Variants in GRAMD1B observed in about 807,000 individuals in gnomAD.
GRAMD1B encodes GRAM domain containing 1B.
Under a neutral mutation model 99.7 loss-of-function variants are expected in GRAMD1B, and 37 were observed. The observed-to-expected ratio is 0.37, with a 90% confidence interval of 0.29 to 0.49. The LOEUF (loss-of-function observed/expected upper bound fraction) is 0.49, where lower values mean the gene tolerates loss of function less well. Ranked by LOEUF, GRAMD1B falls within the 20% of genes least tolerant of loss-of-function variation. The pLI, the probability that GRAMD1B is intolerant of heterozygous loss-of-function variation, is 0.98. For missense variants in GRAMD1B, 888 were observed against 1,009.2 expected, an observed-to-expected ratio of 0.88 and a Z score of 1.63; for synonymous variants, 427 against 387.6, an observed-to-expected ratio of 1.10 and a Z score of -1.19.
chr11:123,376,103 G>C (rs533959627), intron 1 of GRAMD1B, among the ~76,000 whole-genome samples: 10 of 151,792 alleles, frequency 6.6e-5, no homozygotes, highest in Non-Finnish European at 1.2e-4. Flanking sequence ...ATGTCAGAAG[G>C]AAAGAGACCA....
At chr11:123,406,995 A>C (rs1947877221) in intron 1 of GRAMD1B, among the ~76,000 whole-genome samples, 1 of 152,260 alleles carries the variant, frequency 6.6e-6, no homozygotes, top group African/African-American at 2.4e-5. Flanking sequence ...TCCCTGTGGC[A>C]GTTTAGGTTT....
intron 2 of GRAMD1B, among the ~76,000 whole-genome samples, chr11:123,511,416 C>G (rs2135300458): frequency 6.6e-6 from 1 of 152,264 alleles, no homozygotes; most frequent in South Asian, 2.1e-4. Flanking sequence ...ACTCTGTGGG[C>G]ACGCTAGAGG....
intron 1 of GRAMD1B, among the ~76,000 whole-genome samples, chr11:123,399,113 A>G (rs1478424949): frequency 1.3e-5 from 2 of 152,186 alleles, no homozygotes; most frequent in Non-Finnish European, 2.9e-5. Context: ...GTCTCTGGCA[A>G]ACAACATTCT....
At position 123,461,987 on chromosome 11, in the gene GRAMD1B, A is replaced by G. The variant is rs1327502455; in HGVS notation, c.375-18829A>G. Among the ~76,000 whole-genome samples, 8 of 138,178 alleles carry G rather than the reference A, an allele frequency of 5.8e-5. No homozygotes were observed. The East Asian group carries it at 1.7e-3, about 29-fold the overall frequency. The allele number at this position is 138,178 out of a possible 152,430, so 90.7% of individuals were successfully genotyped here. Reference sequence around the variant, plus strand: ...TATTTCTTTTTTTTTTTTTTTTTGAAATGGGATCTTGCTCTGTCGCCCAGG... The same window carrying G: ...TATTTCTTTTTTTTTTTTTTTTTGAGATGGGATCTTGCTCTGTCGCCCAGG... On this transcript the variant is annotated intron_variant, in intron 1 of 19. Transcript: ENST00000635736.
At chr11:123,455,131 G>A (rs1336632171) in intron 1 of GRAMD1B, among the ~76,000 whole-genome samples, 1 of 152,132 alleles carries the variant, frequency 6.6e-6, no homozygotes, top group East Asian at 1.9e-4. Context: ...AGGGAAGTAG[G>A]AAATTGAACA....
At chr11:123,417,449 C>A (rs1948269201) in intron 1 of GRAMD1B, among the ~76,000 whole-genome samples, 1 of 152,054 alleles carries the variant, frequency 6.6e-6, no homozygotes, top group South Asian at 2.1e-4. Context: ...TAGGTGCATT[C>A]AGGACTTATC....
At chr11:123,422,003 C>CA (rs1948455122) in intron 1 of GRAMD1B, among the ~76,000 whole-genome samples, 1 of 152,086 alleles carries the variant, frequency 6.6e-6, no homozygotes, top group Admixed American at 6.5e-5. Context: ...TAGACCTTTC[C>CA]AGCTGATAGA....
intron 2 of GRAMD1B, among the ~76,000 whole-genome samples, chr11:123,532,952 C>T (rs1943551971): frequency 6.6e-6 from 1 of 152,154 alleles, no homozygotes; most frequent in South Asian, 2.1e-4. Flanking sequence ...AATAGAGATA[C>T]TTCTCAAGTG....
At chr11:123,560,319 C>G in intron 2 of GRAMD1B, 2 of 1,145,130 alleles carry the variant, frequency 1.7e-6, no homozygotes, top group Non-Finnish European at 2.2e-6. Context: ...GGGAGCCAGG[C>G]AGAGAGAGAG....
intron 2 of GRAMD1B, among the ~76,000 whole-genome samples, chr11:123,499,936 T>TC (rs1394134895): frequency 1.3e-5 from 2 of 152,228 alleles, no homozygotes; most frequent in Non-Finnish European, 2.9e-5. Context: ...TCATCTTTTT[T>TC]CCCTGTAGAA....
At position 123,391,699 on chromosome 11, in the gene GRAMD1B, G is replaced by T. The variant is rs147744334; in HGVS notation, c.-176+32900G>T. 7.9e-5 allele frequency among the ~76,000 whole-genome samples: 12 copies of T among 152,194 alleles called. No individual in the cohort carries two copies. The East Asian group carries it at 2.1e-3, about 27-fold the overall frequency. On this transcript the variant is annotated intron_variant, in intron 1 of 20. Transcript: ENST00000638157. ...TTGAACTCTTGACCTCAATTGATCC[G>T]CCCACCTTGGCCCCCCAAAGTGCTG...
At chr11:123,616,301 GAA>G (rs1199388599) in intron 17 of GRAMD1B, among the ~76,000 whole-genome samples, 1 of 152,228 alleles carries the variant, frequency 6.6e-6, no homozygotes, top group African/African-American at 2.4e-5. Context: ...CAGCCTGGGT[GAA>G]AGAGTGAGAC....
intron 3 of GRAMD1B, among the ~76,000 whole-genome samples, chr11:123,583,878 C>T (rs1223525458): frequency 6.6e-6 from 1 of 152,160 alleles, no homozygotes. Context: ...CCCCTTTCTA[C>T]CTCGAAAGTG....
intron 4 of GRAMD1B, 86 bp downstream of exon 4, chr11:123,584,418 T>TGGGGGAGGGGGAATGGAGGTTGG (rs1565415034): frequency 6.4e-6 from 1 of 156,200 alleles, no homozygotes; most frequent in Non-Finnish European, 1.4e-5. Flanking sequence ...GGGGTGCGGT[T>TGGGGGAGGGGGAATGGAGGTTGG]GGGCTTTCCT....
intron 1 of GRAMD1B, among the ~76,000 whole-genome samples, chr11:123,442,315 A>G (rs1181907936): frequency 6.6e-6 from 1 of 152,156 alleles, no homozygotes; most frequent in Non-Finnish European, 1.5e-5. Flanking sequence ...CCAACCAACT[A>G]TAAACCAGAG....
intron 1 of GRAMD1B, among the ~76,000 whole-genome samples, chr11:123,365,212 A>G (rs375118841): frequency 6.6e-6 from 1 of 151,922 alleles, no homozygotes; most frequent in African/African-American, 2.4e-5. Flanking sequence ...TTTCCACACC[A>G]TGCTTTCCTT....
chr11:123,612,686 T>G, intron 14 of GRAMD1B, 75 bp from the exon 15 acceptor site: 1 of 815,342 alleles, frequency 1.2e-6, no homozygotes, highest in Non-Finnish European at 2.1e-6. Flanking sequence ...TGGCCTTAAC[T>G]CCGAATTTCC....
chr11:123,404,964 T>C (rs752866366), intron 1 of GRAMD1B, among the ~76,000 whole-genome samples: 2 of 152,216 alleles, frequency 1.3e-5, no homozygotes, highest in Non-Finnish European at 2.9e-5. Context: ...TGCCAAATCC[T>C]GTCTTGCTGA....
chr11:123,404,213 GTC>G (rs771811189), intron 1 of GRAMD1B, among the ~76,000 whole-genome samples: 1 of 152,166 alleles, frequency 6.6e-6, no homozygotes, highest in Non-Finnish European at 1.5e-5. Flanking sequence ...ATGCCTGATT[GTC>G]TCTCTTTTTG....
Sources: gnomAD v4.1 joint callset for allele counts (sites outside exome capture counted in the v4.1 genomes callset) on GRCh38, gnomAD v4.1.1 for gene constraint, MANE v1.5 for transcripts, NCBI Gene and HGNC (gene_info 2026-07-23, HGNC 2026-07-21) for gene names.